NDUFAF6: variants seen among roughly 807,000 people sequenced by gnomAD.
NDUFAF6 encodes the protein NADH dehydrogenase (ubiquinone) complex I, assembly factor 6.
NDUFAF6 carries 45 observed loss-of-function variants against 40.8 expected under a neutral mutation model. The observed-to-expected ratio is 1.10, with a 90% confidence interval of 0.87 to 1.42. The LOEUF (loss-of-function observed/expected upper bound fraction) is 1.42. Ranked by LOEUF, NDUFAF6 falls within the 40% of genes most tolerant of loss-of-function variation. The pLI is 0.00. For missense variants in NDUFAF6, 435 were observed against 418.5 expected, an observed-to-expected ratio of 1.04 and a Z score of -0.34; for synonymous variants, 185 against 155.9, an observed-to-expected ratio of 1.19 and a Z score of -1.39.
chr8:94,967,156 T>A (rs558500852), intron 1 of NDUFAF6, among the ~76,000 whole-genome samples: 1 of 152,368 alleles, frequency 6.6e-6, no homozygotes, highest in East Asian at 1.9e-4. Context: ...ATGCTTTTAG[T>A]TACAAGTTCT....
chr8:95,087,278 C>G (rs1809083227), intron 2 of NDUFAF6, among the ~76,000 whole-genome samples: 1 of 152,182 alleles, frequency 6.6e-6, no homozygotes. Context: ...CCCTCCCCAC[C>G]CACTGACTGC....
At chr8:95,094,010 G>A (rs545999615) in intron 2 of NDUFAF6, among the ~76,000 whole-genome samples, 1 of 151,916 alleles carries the variant, frequency 6.6e-6, no homozygotes, top group African/African-American at 2.4e-5. Flanking sequence ...TCACTCTGTT[G>A]CCCAGGCTAG....
chr8:95,017,999 G>A (rs2131689552), intron 2 of NDUFAF6, among the ~76,000 whole-genome samples: 1 of 152,304 alleles, frequency 6.6e-6, no homozygotes, highest in African/African-American at 2.4e-5. Context: ...ATATTCATAT[G>A]TCTGCCATCC....
rs79812618 is a variant in NDUFAF6, at chr8:95,001,281, C to A, written c.-84+20308C>A. 7.8e-3 allele frequency among the ~76,000 whole-genome samples: 1,182 copies of A among 152,064 alleles called. 11 individuals carry two copies. Among genetic ancestry groups the A allele is most frequent in the African/African-American group, 0.027 (1,121 of 41,478 alleles). Reference sequence around the variant, plus strand: ...CCTTATCTTTTTTTGGATAAAGTTTCTGTATTTATTTTATTCGAATAGAAG... The same window carrying A: ...CCTTATCTTTTTTTGGATAAAGTTTATGTATTTATTTTATTCGAATAGAAG... On this transcript the variant is annotated intron_variant, in intron 2 of 9. Coordinates refer to the NDUFAF6 transcript ENST00000396111.
chr8:94,930,271 G>A, intron 1 of NDUFAF6: 1 of 607,790 alleles, frequency 1.6e-6, no homozygotes, highest in East Asian at 2.9e-5. Flanking sequence ...CTGAAAAAGT[G>A]TACAAAAAAA....
intron 1 of NDUFAF6, among the ~76,000 whole-genome samples, chr8:94,941,874 A>T (rs1821570460): frequency 6.6e-6 from 1 of 152,162 alleles, no homozygotes; most frequent in Non-Finnish European, 1.5e-5. Context: ...ATATTTATCC[A>T]TTTCTACCTG....
chr8:94,939,885 C>G, intron 1 of NDUFAF6: 1 of 1,613,456 alleles, frequency 6.2e-7, no homozygotes, highest in Admixed American at 1.7e-5. Context: ...CTATGTAATT[C>G]ATCAGTCCCA....
rs148929510 is a variant in NDUFAF6, at chr8:95,027,863, TAGC to T, written c.197+2661_197+2663del. Among the ~76,000 whole-genome samples the T allele has an allele frequency of 3.8e-3, 578 of 152,272 alleles. 3 individuals carry two copies. Among genetic ancestry groups the T allele is most frequent in the African/African-American group, 0.013 (554 of 41,540 alleles). Reference sequence around the variant, plus strand: ...CAAGGCCTCTAAATAGCAGGAAAAATAGCAGGCCATAACTTCGGGTTCACCATC... The same window carrying T: ...CAAGGCCTCTAAATAGCAGGAAAAATAGGCCATAACTTCGGGTTCACCATC... On this transcript the variant is annotated intron_variant, in intron 1 of 8. Coordinates refer to ENST00000396124, the MANE Select transcript of NDUFAF6 (RefSeq NM_152416.4).
chr8:95,048,566 G>T lies in NDUFAF6; in HGVS notation c.816+8G>T, dbSNP rs374212283. ...CACTTGCACCTAAAGCATGTAAGTC[G>T]GCTTTTTTTTGCCAAATCATTTAGG... On this transcript the variant is annotated splice_region_variant and intron_variant, in intron 7 of 8. Coordinates refer to ENST00000396124, the MANE Select transcript of NDUFAF6 (RefSeq NM_152416.4). The T allele has an allele frequency of 1.2e-6, 2 of 1,609,336 alleles. No homozygotes were observed. Among genetic ancestry groups the T allele is most frequent in the African/African-American group, 2.7e-5 (2 of 74,792 alleles).
chr8:94,957,510 T>A (rs1459363934), upstream of NDUFAF6, among the ~76,000 whole-genome samples: 1 of 152,154 alleles, frequency 6.6e-6, no homozygotes, highest in Non-Finnish European at 1.5e-5. Flanking sequence ...GACAGCGTGG[T>A]AGCCTGATCC....
At chr8:94,950,617 AC>A (rs1240557491) in intron 2 of NDUFAF6, among the ~76,000 whole-genome samples, 2 of 152,196 alleles carry the variant, frequency 1.3e-5, no homozygotes, top group Non-Finnish European at 2.9e-5. Context: ...TGGTCATTGG[AC>A]CTTATCTTGG....
chr8:95,004,430 C>A (rs1325425808), intron 2 of NDUFAF6, among the ~76,000 whole-genome samples: 6 of 147,126 alleles, frequency 4.1e-5, no homozygotes, highest in Non-Finnish European at 7.4e-5. Context: ...TCACAACTCA[C>A]TGTAGCCTCA....
At chr8:95,110,175 C>G (rs1259360459) in intron 4 of NDUFAF6, among the ~76,000 whole-genome samples, 1 of 152,126 alleles carries the variant, frequency 6.6e-6, no homozygotes, top group African/African-American at 2.4e-5. Flanking sequence ...GGAGCAAATA[C>G]TTTAGTTTGG....
upstream of NDUFAF6, among the ~76,000 whole-genome samples, chr8:94,953,488 T>C (rs554054051): frequency 1.6e-4 from 25 of 152,290 alleles, no homozygotes; most frequent in African/African-American, 6.0e-4. Context: ...AGAGGCGCAC[T>C]GTGTGGGGCA....
At chr8:95,023,732 T>A (rs1827796228), upstream of NDUFAF6, among the ~76,000 whole-genome samples, 1 of 152,086 alleles carries the variant, frequency 6.6e-6, no homozygotes, top group Admixed American at 6.5e-5. Context: ...GAACAAATAT[T>A]CAAAGTTAAT....
chr8:94,938,999 G>A (rs1014658371), intron 1 of NDUFAF6, among the ~76,000 whole-genome samples: 2 of 152,194 alleles, frequency 1.3e-5, no homozygotes, highest in Admixed American at 1.3e-4. Flanking sequence ...GAATTGAATT[G>A]AATCAGAGGA....
At chr8:94,927,889 T>C (rs904580458) in intron 1 of NDUFAF6, 5 of 141,932 alleles carry the variant, frequency 3.5e-5, no homozygotes, top group African/African-American at 1.3e-4. Flanking sequence ...AAGCGCATTG[T>C]AAACCACTAA....
chr8:94,982,005 G>A (rs896084583), intron 2 of NDUFAF6, among the ~76,000 whole-genome samples: 1 of 152,002 alleles, frequency 6.6e-6, no homozygotes, highest in African/African-American at 2.4e-5. Flanking sequence ...TGAGGAGGGT[G>A]GATCACGAGG....
Position 95,048,334 on chromosome 8 carries a change from G to A in NDUFAF6, c.715-123G>A, listed in dbSNP as rs560126501. The A allele has an allele frequency of 1.2e-4, 86 of 738,892 alleles. No individual in the cohort carries two copies. In the African/African-American group the frequency reaches 1.3e-3, roughly 11 times the overall value. The allele number at this position is 738,892 out of a possible 1,614,324, so 45.8% of individuals were successfully genotyped here. ...AAATAGGCATTAAACTGTACATACTGTTCTGTCACGTGTTCTCTTGTGCTA... is the reference window on the plus strand; with the variant it reads ...AAATAGGCATTAAACTGTACATACTATTCTGTCACGTGTTCTCTTGTGCTA... On this transcript the variant is annotated intron_variant, in intron 6 of 8. Coordinates refer to ENST00000396124, the MANE Select transcript of NDUFAF6 (RefSeq NM_152416.4).
Sources: allele counts gnomAD v4.1 joint callset (sites outside exome capture counted in the v4.1 genomes callset), GRCh38; gene constraint gnomAD v4.1.1; transcripts MANE v1.5; gene names NCBI Gene and HGNC (gene_info 2026-07-23, HGNC 2026-07-21).